Variants in NEK7 observed in about 807,000 individuals in gnomAD.
NEK7 encodes NIMA related kinase 7, also known as serine/threonine-protein kinase Nek7.
A neutral mutation model predicts 44.6 loss-of-function variants in NEK7; 18 were observed. The ratio of observed to expected loss-of-function variants is 0.40; its 90% CI spans 0.28 to 0.60. NEK7 has a LOEUF of 0.60. NEK7 is among the 20% of genes least tolerant of loss of function. NEK7 has a pLI of 0.38. For synonymous variants in NEK7, 130 were observed against 121.1 expected (o/e 1.07, Z -0.48); for missense variants, 256 against 366.5 (o/e 0.70, Z 2.46).
At chr1:198,180,581 C>T (rs893294679) in intron 1 of NEK7, among the ~76,000 whole-genome samples, 2 of 151,954 alleles carry the variant, frequency 1.3e-5, no homozygotes, top group Non-Finnish European at 2.9e-5. Flanking sequence ...AACACATTTT[C>T]CCCCTTTGGG....
At chr1:198,310,099 G>A (rs891333508) in intron 9 of NEK7, among the ~76,000 whole-genome samples, 14 of 152,118 alleles carry the variant, frequency 9.2e-5, no homozygotes, top group Admixed American at 3.3e-4. Flanking sequence ...ATCCTCTCCA[G>A]CACCTGTTGT....
At chr1:198,236,316 C>G (rs1435972833) in intron 2 of NEK7, among the ~76,000 whole-genome samples, 1 of 152,132 alleles carries the variant, frequency 6.6e-6, no homozygotes, top group Non-Finnish European at 1.5e-5. Context: ...GAAGTCTTTA[C>G]AGAAATTTAG....
intron 2 of NEK7, among the ~76,000 whole-genome samples, chr1:198,252,735 T>C (rs1281327130): frequency 6.6e-6 from 1 of 150,984 alleles, no homozygotes; most frequent in Non-Finnish European, 1.5e-5. Context: ...AACATGTATG[T>C]ATGTTTTATA....
chr1:198,200,580 T>C (rs1291105251), intron 1 of NEK7, among the ~76,000 whole-genome samples: 2 of 151,220 alleles, frequency 1.3e-5, no homozygotes, highest in East Asian at 3.9e-4. Context: ...AGATGGGGTC[T>C]TGCTCTGTTG....
intron 3 of NEK7, among the ~76,000 whole-genome samples, chr1:198,257,712 AC>A (rs1653316091): frequency 6.6e-6 from 1 of 152,210 alleles, no homozygotes; most frequent in East Asian, 1.9e-4. Context: ...GTTAGTTTTT[AC>A]TTGTCAAGGT....
chr1:198,231,995 A>G (rs4403652), intron 1 of NEK7, among the ~76,000 whole-genome samples: 78,081 of 151,942 alleles, frequency 0.51, 23,402 homozygotes, highest in East Asian at 0.9. Flanking sequence ...GCAATGCCTG[A>G]CATGCAATTA....
At chr1:198,287,075 C>T (rs185622138) in intron 7 of NEK7, among the ~76,000 whole-genome samples, 57 of 152,302 alleles carry the variant, frequency 3.7e-4, no homozygotes, top group African/African-American at 1.3e-3. Context: ...AAAATTTCTG[C>T]CTGTAACGCC....
chr1:198,279,396 C>T (rs921611279), intron 7 of NEK7, among the ~76,000 whole-genome samples: 7 of 151,796 alleles, frequency 4.6e-5, no homozygotes, highest in Non-Finnish European at 1.0e-4. Flanking sequence ...GAAGACTTCA[C>T]CTGACCATTT....
Position 198,319,589 on chromosome 1 carries a change from A to T in NEK7, c.*67A>T. Reference sequence around the variant, plus strand: ...TATTTTGTGCAAGTCATACCTCCCCATTTATGTCTGGTGTTAAGATTAATA... The same window carrying T: ...TATTTTGTGCAAGTCATACCTCCCCTTTTATGTCTGGTGTTAAGATTAATA... On this transcript the variant is annotated 3_prime_UTR_variant, in exon 10 of 10. Transcript: ENST00000367385. The T allele has an allele frequency of 6.8e-7, 1 of 1,465,798 alleles. No homozygotes were observed. The allele number at this position is 1,465,798 out of a possible 1,614,324, so 90.8% of individuals were successfully genotyped here.
intron 6 of NEK7, among the ~76,000 whole-genome samples, chr1:198,278,317 C>A (rs1654084626): frequency 6.6e-6 from 1 of 151,372 alleles, no homozygotes; most frequent in South Asian, 2.1e-4. Flanking sequence ...GATAAGACAG[C>A]AATCAAATAT....
chr1:198,317,892 T>A (rs1039887273), intron 9 of NEK7, among the ~76,000 whole-genome samples: 2 of 146,962 alleles, frequency 1.4e-5, no homozygotes, highest in African/African-American at 4.9e-5. Flanking sequence ...TTTTTTTTTT[T>A]TTTTTTTTGG....
intron 3 of NEK7, among the ~76,000 whole-genome samples, chr1:198,259,446 A>G (rs1361300549): frequency 1.3e-5 from 2 of 152,194 alleles, no homozygotes; most frequent in African/African-American, 4.8e-5. Context: ...CAAACAAACA[A>G]AAATACCAGG....
At chr1:198,313,999 G>A (rs1655271438) in intron 9 of NEK7, among the ~76,000 whole-genome samples, 1 of 151,172 alleles carries the variant, frequency 6.6e-6, no homozygotes, top group Non-Finnish European at 1.5e-5. Context: ...GATTGGGGAA[G>A]TTCTCCCGGA....
intron 3 of NEK7, among the ~76,000 whole-genome samples, chr1:198,255,995 C>G (rs1653250822): frequency 6.6e-6 from 1 of 151,908 alleles, no homozygotes; most frequent in African/African-American, 2.4e-5. Context: ...AATGCTTTTC[C>G]TTTTTGAAGA....
chr1:198,159,712 T>A (rs1300429989), intron 1 of NEK7, among the ~76,000 whole-genome samples: 1 of 152,202 alleles, frequency 6.6e-6, no homozygotes, highest in Non-Finnish European at 1.5e-5. Context: ...TTTTCCTGTC[T>A]GGACAATTTC....
intron 1 of NEK7, among the ~76,000 whole-genome samples, chr1:198,216,547 C>G (rs940159029): frequency 6.6e-6 from 1 of 151,558 alleles, no homozygotes; most frequent in Non-Finnish European, 1.5e-5. Context: ...CAAACCAAAC[C>G]CAAGCTAGCA....
intron 9 of NEK7, among the ~76,000 whole-genome samples, chr1:198,315,497 A>G (rs1655342420): frequency 6.6e-6 from 1 of 152,220 alleles, no homozygotes; most frequent in Non-Finnish European, 1.5e-5. Flanking sequence ...TCTAAGAGGT[A>G]TGAGGAGCCA....
chr1:198,283,520 G>A (rs114242154), intron 7 of NEK7, among the ~76,000 whole-genome samples: 7 of 152,012 alleles, frequency 4.6e-5, no homozygotes, highest in African/African-American at 7.2e-5. Context: ...GTTTTTACAC[G>A]AAGTTATGTT....
chr1:198,318,955 A>G (rs1223936510), intron 9 of NEK7, among the ~76,000 whole-genome samples: 2 of 152,052 alleles, frequency 1.3e-5, no homozygotes, highest in East Asian at 1.9e-4. Context: ...CTTTTAATAT[A>G]TATTTGTACA....
Sources: gnomAD v4.1 joint callset for allele counts (sites outside exome capture counted in the v4.1 genomes callset) on GRCh38, gnomAD v4.1.1 for gene constraint, MANE v1.5 for transcripts, NCBI Gene and HGNC (gene_info 2026-07-23, HGNC 2026-07-21) for gene names.